TNS3: variants seen among roughly 807,000 people sequenced by gnomAD.
TNS3 encodes tensin-3.
In TNS3, 45 loss-of-function variants were observed where a neutral mutation model predicts 140.9. The observed-to-expected ratio is 0.32, with a 90% confidence interval of 0.25 to 0.41. The LOEUF is 0.41. Ranked by LOEUF, TNS3 falls within the 10% of genes least tolerant of loss-of-function variation. The pLI, the probability that TNS3 is intolerant of heterozygous loss-of-function variation, is 1.00. For synonymous variants in TNS3, 815 were observed against 788.4 expected, an observed-to-expected ratio of 1.03 and a Z score of -0.56; for missense variants, 1,716 against 1,906.7, an observed-to-expected ratio of 0.90 and a Z score of 1.86.
intron 1 of TNS3, among the ~76,000 whole-genome samples, chr7:47,536,858 A>G (rs1387360328): frequency 6.6e-6 from 1 of 152,158 alleles, no homozygotes; most frequent in Non-Finnish European, 1.5e-5. Context: ...ACACACACTG[A>G]CATACGCGCA....
At chr7:47,543,769 A>G (rs1799853969) in intron 1 of TNS3, among the ~76,000 whole-genome samples, 1 of 152,170 alleles carries the variant, frequency 6.6e-6, no homozygotes, top group Admixed American at 6.5e-5. Flanking sequence ...ATTGGCTACA[A>G]AGTTCCCGGG....
At chr7:47,573,324 C>T (rs918649826) in intron 1 of TNS3, among the ~76,000 whole-genome samples, 8 of 152,192 alleles carry the variant, frequency 5.3e-5, no homozygotes, top group African/African-American at 1.9e-4. Flanking sequence ...TCTGTGCAGA[C>T]TCTCTCCACC....
In TNS3 at chr7:47,379,700, G is replaced by A. The variant is rs57059943; in HGVS notation, c.1025-10079C>T. Among the ~76,000 whole-genome samples the A allele has an allele frequency of 4.5e-3, 685 of 152,186 alleles. 3 individuals are homozygous for A. Among genetic ancestry groups the A allele is most frequent in the African/African-American group, 0.016 (657 of 41,528 alleles). On this transcript the variant is annotated intron_variant, in intron 16 of 30. Transcript: ENST00000311160. Reference sequence around the variant, plus strand: ...TCCATTCTAAGGCATTGCTCCCTTGGTGCATCAGTCTCACCTTGAGAGTTA... The same window carrying A: ...TCCATTCTAAGGCATTGCTCCCTTGATGCATCAGTCTCACCTTGAGAGTTA...
intron 1 of TNS3, among the ~76,000 whole-genome samples, chr7:47,530,681 C>CG (rs1799358998): frequency 6.6e-6 from 1 of 150,648 alleles, no homozygotes; most frequent in Non-Finnish European, 1.5e-5. Context: ...AAAAATTAGC[C>CG]GGGCATGGTG....
intron 12 of TNS3, among the ~76,000 whole-genome samples, chr7:47,412,788 A>C (rs1248224022): frequency 6.6e-6 from 1 of 152,182 alleles, no homozygotes; most frequent in Non-Finnish European, 1.5e-5. Context: ...AAAAACAAAA[A>C]TGCAACCATA....
chr7:47,278,049 G>T lies in TNS3; in HGVS notation c.*27C>A, dbSNP rs371477302. On this transcript the variant is annotated 3_prime_UTR_variant, in exon 31 of 31. Transcript: ENST00000311160. ...TGTCTCCAGGGCTTCGAGAGGCATC[G>T]GTGGGTCCAGGGAGGGAGGGGAGTT... The T allele has an allele frequency of 2.7e-5, 43 of 1,613,752 alleles. No individual in the cohort carries two copies. In the East Asian group the frequency reaches 8.9e-4, roughly 33 times the overall value.
chr7:47,355,707 T>C (rs1264877255), intron 17 of TNS3, among the ~76,000 whole-genome samples: 10 of 152,244 alleles, frequency 6.6e-5, no homozygotes, highest in Admixed American at 6.5e-5. Flanking sequence ...CTCCCAATTA[T>C]GTAAACTAAT....
At chr7:47,452,965 G>T in intron 4 of TNS3, 2 of 985,500 alleles carry the variant, frequency 2.0e-6, no homozygotes, top group Non-Finnish European at 2.4e-6. Context: ...CACCGGCCAG[G>T]GCTGCTTTTC....
intron 4 of TNS3, among the ~76,000 whole-genome samples, chr7:47,459,541 G>C (rs910684936): frequency 6.6e-6 from 1 of 152,122 alleles, no homozygotes; most frequent in African/African-American, 2.4e-5. Context: ...GTCAGTCTCA[G>C]GCCCCAAGTG....
chr7:47,565,080 C>CTTTTTT (rs1481307825), intron 1 of TNS3, among the ~76,000 whole-genome samples: 1 of 149,240 alleles, frequency 6.7e-6, no homozygotes, highest in Non-Finnish European at 1.5e-5. Flanking sequence ...TTTTTTATTT[C>CTTTTTT]TATTTTTTTT....
intron 16 of TNS3, among the ~76,000 whole-genome samples, chr7:47,387,523 G>A (rs1562671747): frequency 6.6e-6 from 1 of 152,246 alleles, no homozygotes; most frequent in Non-Finnish European, 1.5e-5. Context: ...GCACCTCCAT[G>A]TAAGGGTCCC....
intron 3 of TNS3, among the ~76,000 whole-genome samples, chr7:47,506,201 G>C (rs1013635819): frequency 1.1e-4 from 16 of 152,150 alleles, no homozygotes; most frequent in Non-Finnish European, 1.5e-5. Context: ...TCATACTTGG[G>C]GATTCCGTAA....
At chr7:47,528,934 C>T (rs1455277665) in intron 2 of TNS3, 102 bp downstream of exon 2, 2 of 629,636 alleles carry the variant, frequency 3.2e-6, no homozygotes, top group African/African-American at 1.9e-5. Context: ...AGGGGAATTC[C>T]ATGATTTAAC....
intron 3 of TNS3, among the ~76,000 whole-genome samples, chr7:47,502,506 C>T (rs1439440818): frequency 6.6e-6 from 1 of 152,232 alleles, no homozygotes; most frequent in Non-Finnish European, 1.5e-5. Flanking sequence ...AGTGAAAAAG[C>T]TCCTGCATCA....
intron 3 of TNS3, among the ~76,000 whole-genome samples, chr7:47,485,091 C>T (rs915223057): frequency 1.3e-5 from 2 of 152,200 alleles, no homozygotes; most frequent in Non-Finnish European, 2.9e-5. Context: ...GCACAGCCAG[C>T]ATGGCTGGGA....
intron 28 of TNS3, among the ~76,000 whole-genome samples, chr7:47,280,811 G>A (rs1307146713): frequency 1.3e-5 from 2 of 152,166 alleles, no homozygotes; most frequent in African/African-American, 4.8e-5. Context: ...TACTTGGGAG[G>A]TGGAAACAGG....
chr7:47,572,663 G>A (rs1008841633), intron 1 of TNS3, among the ~76,000 whole-genome samples: 7 of 152,106 alleles, frequency 4.6e-5, no homozygotes, highest in African/African-American at 1.7e-4. Context: ...ATCGCCTGAG[G>A]TCAGGAGTTC....
At chr7:47,582,275 C>T (rs1784556201), upstream of TNS3, 2 of 356,880 alleles carry the variant, frequency 5.6e-6, no homozygotes, top group South Asian at 4.1e-5. Context: ...CTCCAGGCGC[C>T]CTTCACCGGG....
intron 25 of TNS3, 90 bp from the exon 26 acceptor site, chr7:47,292,995 C>T (rs1346071018): frequency 1.3e-5 from 15 of 1,155,684 alleles, no homozygotes; most frequent in Admixed American, 1.2e-4. Flanking sequence ...GAAACGGATG[C>T]AAAGGCTGAG....
Sources: gnomAD v4.1 joint callset for allele counts (sites outside exome capture counted in the v4.1 genomes callset) on GRCh38, gnomAD v4.1.1 for gene constraint, MANE v1.5 for transcripts, NCBI Gene and HGNC (gene_info 2026-07-23, HGNC 2026-07-21) for gene names.